The following BAZ2B variants were observed in gnomAD, a reference collection of about 807,000 sequenced individuals.
The protein encoded by BAZ2B is bromodomain adjacent to zinc finger domain 2B, also known as bromodomain adjacent to zinc finger domain protein 2B.
A neutral mutation model predicts 246.0 loss-of-function variants in BAZ2B; 91 were observed. The observed-to-expected ratio is 0.37, with a 90% CI of 0.31 to 0.44. The LOEUF (loss-of-function observed/expected upper bound fraction) is 0.44. Ranked by LOEUF, BAZ2B falls within the 20% of genes least tolerant of loss-of-function variation. The probability of loss-of-function intolerance (pLI) is 1.00; values close to 1 mark genes in which losing one functional copy is unlikely to be tolerated. For synonymous variants in BAZ2B, 855 were observed against 860.0 expected (o/e 0.99, Z 0.10); for missense variants, 2,332 against 2,533.7 (o/e 0.92, Z 1.71).
At chr2:159,352,399 ATGTT>A (rs1575939959) in intron 27 of BAZ2B, among the ~76,000 whole-genome samples, 1 of 151,912 alleles carries the variant, frequency 6.6e-6, no homozygotes, top group African/African-American at 2.4e-5. Flanking sequence ...ATTAATCATG[ATGTT>A]TGTTTATTTT....
intron 27 of BAZ2B, among the ~76,000 whole-genome samples, chr2:159,362,660 C>A (rs1228595045): frequency 6.6e-6 from 1 of 152,186 alleles, no homozygotes. Context: ...GAGGAGAACC[C>A]ATGGGTCAAA....
intron 2 of BAZ2B, chr2:159,536,284 A>C (rs915437605): frequency 2.6e-5 from 4 of 152,210 alleles, no homozygotes; most frequent in African/African-American, 9.6e-5. Flanking sequence ...GGAGAAAAAA[A>C]CAAAGAAATC....
Position 159,592,067 on chromosome 2 carries a change from T to C in BAZ2B, c.-46+24175A>G, listed in dbSNP as rs540243724. ...CCTGGGAGGTTGAGGCTGCAGTGAG[T>C]CATGGGTGCACCACCAAACTCCAGC... On this transcript the variant is annotated intron_variant, in intron 1 of 36. Coordinates refer to ENST00000392783, the MANE Select transcript of BAZ2B (RefSeq NM_013450.4). 5.9e-5 allele frequency among the ~76,000 whole-genome samples: 9 copies of C among 151,324 alleles called. No homozygotes were observed. The East Asian group carries it at 1.6e-3, about 26-fold the overall frequency.
At chr2:159,594,505 T>C (rs1370465697) in intron 1 of BAZ2B, among the ~76,000 whole-genome samples, 1 of 152,246 alleles carries the variant, frequency 6.6e-6, no homozygotes, top group Non-Finnish European at 1.5e-5. Flanking sequence ...ATGGGACTAA[T>C]TTAATACATT....
chr2:159,488,157 C>G (rs1380492682), intron 2 of BAZ2B, among the ~76,000 whole-genome samples: 1 of 152,080 alleles, frequency 6.6e-6, no homozygotes, highest in Non-Finnish European at 1.5e-5. Flanking sequence ...ACTGCAATCT[C>G]CACCTCCTGG....
At chr2:159,377,423 T>C (rs4665065) in intron 25 of BAZ2B, among the ~76,000 whole-genome samples, 100,835 of 152,072 alleles carry the variant, frequency 0.66, 35,644 homozygotes, top group Non-Finnish European at 0.81. Flanking sequence ...TATTACTTTA[T>C]AAAATTTTGA....
chr2:159,406,142 C>T (rs764933768), intron 14 of BAZ2B, among the ~76,000 whole-genome samples: 2 of 152,256 alleles, frequency 1.3e-5, no homozygotes, highest in Non-Finnish European at 2.9e-5. Context: ...TATATTTTCC[C>T]GTCCCTTGAT....
intron 2 of BAZ2B, among the ~76,000 whole-genome samples, chr2:159,488,832 C>T (rs577951435): frequency 1.3e-5 from 2 of 152,182 alleles, no homozygotes; most frequent in African/African-American, 4.8e-5. Context: ...CTTTAGGAAG[C>T]TGATTAATAG....
chr2:159,417,681 A>G (rs2067997939), intron 13 of BAZ2B, among the ~76,000 whole-genome samples: 1 of 152,342 alleles, frequency 6.6e-6, no homozygotes, highest in East Asian at 1.9e-4. Flanking sequence ...AATATATTAT[A>G]AAAATGAAGT....
the BAZ2B span, among the ~76,000 whole-genome samples, chr2:159,680,032 T>G: frequency 6.6e-6 from 1 of 152,216 alleles, no homozygotes; most frequent in Non-Finnish European, 1.5e-5. Context: ...TATTTTCCCT[T>G]TAAGGAAAAA....
intron 1 of BAZ2B, among the ~76,000 whole-genome samples, chr2:159,561,055 T>C (rs994710955): frequency 6.6e-6 from 1 of 152,208 alleles, no homozygotes; most frequent in African/African-American, 2.4e-5. Flanking sequence ...TCAGTGTCTA[T>C]GCTGTCCAAT....
At chr2:159,349,544 T>C (rs1021597995) in intron 28 of BAZ2B, among the ~76,000 whole-genome samples, 164 bp downstream of exon 28, 5 of 152,242 alleles carry the variant, frequency 3.3e-5, no homozygotes, top group Non-Finnish European at 5.9e-5. Context: ...TAGAAATCAG[T>C]AGTTCTAATG....
At chr2:159,704,021 T>C in the BAZ2B span, among the ~76,000 whole-genome samples, 6 of 152,330 alleles carry the variant, frequency 3.9e-5, no homozygotes, top group South Asian at 4.1e-4. Flanking sequence ...TGTGTTACCA[T>C]TCCCATACCA....
At chr2:159,595,183 ACCTC>A (rs1383365114) in intron 1 of BAZ2B, among the ~76,000 whole-genome samples, 4 of 151,616 alleles carry the variant, frequency 2.6e-5, no homozygotes, top group Non-Finnish European at 2.9e-5. Flanking sequence ...GCTCACCGCA[ACCTC>A]CGCCTCCTGG....
At chr2:159,439,589 C>A (rs1392303723) in intron 6 of BAZ2B, among the ~76,000 whole-genome samples, 1 of 152,142 alleles carries the variant, frequency 6.6e-6, no homozygotes, top group Non-Finnish European at 1.5e-5. Flanking sequence ...TTTCTTTTTG[C>A]AGACAGTGAG....
At chr2:159,621,113 A>T (rs762451139), upstream of BAZ2B, among the ~76,000 whole-genome samples, 1 of 152,240 alleles carries the variant, frequency 6.6e-6, no homozygotes, top group Non-Finnish European at 1.5e-5. Context: ...TGCTGCAGTC[A>T]TTAACTATGG....
chr2:159,414,028 TAAAGAA>T, intron 13 of BAZ2B, among the ~76,000 whole-genome samples: 1 of 152,236 alleles, frequency 6.6e-6, no homozygotes, highest in South Asian at 2.1e-4. Flanking sequence ...GTCAGATGGA[TAAAGAA>T]AATGTGGTAA....
At chr2:159,597,396 A>C (rs4665090) in intron 1 of BAZ2B, among the ~76,000 whole-genome samples, 84,075 of 152,084 alleles carry the variant, frequency 0.55, 24,012 homozygotes, top group East Asian at 0.75. Flanking sequence ...GTGTAAAGTG[A>C]CTAAATAGCA....
chr2:159,580,337 A>G (rs1309596943), intron 1 of BAZ2B, among the ~76,000 whole-genome samples: 3 of 152,174 alleles, frequency 2.0e-5, no homozygotes, highest in African/African-American at 7.2e-5. Flanking sequence ...AGAATAAAAT[A>G]CCTAGGAATC....
Sources: gnomAD v4.1 joint callset for allele counts (sites outside exome capture counted in the v4.1 genomes callset) on GRCh38, gnomAD v4.1.1 for gene constraint, MANE v1.5 for transcripts, NCBI Gene and HGNC (gene_info 2026-07-23, HGNC 2026-07-21) for gene names.